TCF7L2: variants seen among roughly 807,000 people sequenced by gnomAD.
The protein encoded by TCF7L2 is transcription factor 7-like 2.
In TCF7L2, 23 loss-of-function variants were observed where a neutral mutation model predicts 77.9. The observed-to-expected ratio is 0.30, with a 90% CI of 0.21 to 0.42. TCF7L2 has a LOEUF of 0.42. Ranked by LOEUF, TCF7L2 falls within the 10% of genes least tolerant of loss-of-function variation. The pLI is 1.00. For synonymous variants in TCF7L2, 413 were observed against 340.2 expected (o/e 1.21, Z -2.36); for missense variants, 654 against 793.1 (o/e 0.82, Z 2.11).
intron 4 of TCF7L2, among the ~76,000 whole-genome samples, chr10:112,969,473 A>G (rs1490294892): frequency 6.6e-6 from 1 of 152,214 alleles, no homozygotes; most frequent in Non-Finnish European, 1.5e-5. Context: ...TTGGGGAAAC[A>G]TATATTTCCA....
intron 4 of TCF7L2, among the ~76,000 whole-genome samples, chr10:112,967,366 C>G (rs992468655): frequency 2.0e-5 from 3 of 152,202 alleles, no homozygotes; most frequent in Non-Finnish European, 4.4e-5. Flanking sequence ...ACATTAGACT[C>G]ATACGACTCA....
intron 4 of TCF7L2, among the ~76,000 whole-genome samples, chr10:113,027,393 C>G (rs1262434506): frequency 6.6e-6 from 1 of 152,170 alleles, no homozygotes; most frequent in Non-Finnish European, 1.5e-5. Flanking sequence ...GGGTGCCTGT[C>G]AACGATTCTC....
chr10:112,984,115 C>T (rs2041024937), intron 4 of TCF7L2, among the ~76,000 whole-genome samples: 1 of 152,186 alleles, frequency 6.6e-6, no homozygotes, highest in African/African-American at 2.4e-5. Context: ...TGCTATCTGT[C>T]TTTAAGCTTT....
At chr10:112,974,286 G>A (rs2038921207) in intron 4 of TCF7L2, among the ~76,000 whole-genome samples, 1 of 152,062 alleles carries the variant, frequency 6.6e-6, no homozygotes, top group Admixed American at 6.6e-5. Flanking sequence ...TTCGGAAGAG[G>A]GCTGGTGAGG....
chr10:113,165,839 C>T lies in TCF7L2; in HGVS notation c.1676C>T (p.Pro559Leu), dbSNP rs755806253. 1.8e-5 allele frequency: 29 copies of T among 1,607,208 alleles called. No individual in the cohort carries two copies. Among genetic ancestry groups the T allele is most frequent in the South Asian group, 2.2e-5 (2 of 90,440 alleles). Reference sequence around the variant, plus strand: ...TGTCCCAACGGGGCCCTGGACCTGCCCCCAGCCGCTTTGCAGCCTGCCGCC... The same window carrying T: ...TGTCCCAACGGGGCCCTGGACCTGCTCCCAGCCGCTTTGCAGCCTGCCGCC... Residue 559 changes from proline to leucine, a missense_variant, in exon 14 of 14, where the codon CCC becomes CTC. This residue lies in a region of TCF7L2 where 272 missense variants were observed against 215.4 expected (regional missense o/e 1.26). Coordinates refer to ENST00000627217, the MANE Select transcript of TCF7L2 (RefSeq NM_001146274.2).
At chr10:113,150,826 A>C (rs2070599916) in intron 8 of TCF7L2, among the ~76,000 whole-genome samples, 172 bp from the exon 9 acceptor site, 2 of 152,244 alleles carry the variant, frequency 1.3e-5, no homozygotes, top group African/African-American at 4.8e-5. Flanking sequence ...ACATTATGAG[A>C]ATCATTATGT....
intron 5 of TCF7L2, among the ~76,000 whole-genome samples, chr10:113,128,167 G>A (rs560058199): frequency 6.6e-6 from 1 of 152,222 alleles, no homozygotes; most frequent in African/African-American, 2.4e-5. Context: ...TTACCACCAT[G>A]TAAAGGGAAT....
chr10:113,107,752 TAAAAAA>T (rs398014821), intron 5 of TCF7L2, among the ~76,000 whole-genome samples: 22 of 55,262 alleles, frequency 4.0e-4, no homozygotes, highest in Admixed American at 9.7e-4. Flanking sequence ...AGACTCCGTC[TAAAAAA>T]AAAAAAAAAA....
At chr10:113,034,440 T>A (rs1487608572) in intron 4 of TCF7L2, among the ~76,000 whole-genome samples, 1 of 152,222 alleles carries the variant, frequency 6.6e-6, no homozygotes, top group Non-Finnish European at 1.5e-5. Context: ...GGAGGCTTAG[T>A]GACTTTGGAC....
rs189367923 is a variant in TCF7L2, at chr10:113,055,657, C to T, written c.552+15531C>T. ...TCACAGGAAAGAGCATAGTATGTTA[C>T]AGCCTCCACCTCCTGGTACCAAGAG... On this transcript the variant is annotated intron_variant, in intron 5 of 13. Coordinates refer to ENST00000627217, the MANE Select transcript of TCF7L2 (RefSeq NM_001146274.2). 1.3e-4 allele frequency among the ~76,000 whole-genome samples: 20 copies of T among 152,338 alleles called. No individual in the cohort carries two copies. The East Asian group carries it at 3.7e-3, about 28-fold the overall frequency.
chr10:113,009,265 G>A (rs991428954), intron 4 of TCF7L2, among the ~76,000 whole-genome samples: 2 of 152,138 alleles, frequency 1.3e-5, no homozygotes, highest in African/African-American at 4.8e-5. Context: ...CTGATTTTCA[G>A]GTCATCACCA....
chr10:112,998,930 C>T (rs1226991886), intron 4 of TCF7L2, among the ~76,000 whole-genome samples: 2 of 152,210 alleles, frequency 1.3e-5, no homozygotes, highest in African/African-American at 4.8e-5. Context: ...TTTCCATGTC[C>T]TCTTCATTAG....
At chr10:112,955,656 G>A (rs1013673636) in intron 3 of TCF7L2, among the ~76,000 whole-genome samples, 2 of 152,096 alleles carry the variant, frequency 1.3e-5, no homozygotes, top group African/African-American at 4.8e-5. Context: ...TTCTTGCTAG[G>A]AGTTCTTCAC....
At chr10:112,996,657 G>A (rs1290191693) in intron 4 of TCF7L2, among the ~76,000 whole-genome samples, 4 of 152,264 alleles carry the variant, frequency 2.6e-5, no homozygotes, top group East Asian at 3.9e-4. Context: ...TGGGATTTCC[G>A]GCCAGTGATC....
At position 113,166,217 on chromosome 10, in the gene TCF7L2, G is replaced by C. The variant is rs536179485; in HGVS notation, c.*245G>C. 5.5e-6 allele frequency: 2 copies of C among 366,118 alleles called. No individual in the cohort carries two copies. Among genetic ancestry groups the C allele is most frequent in the African/African-American group, 4.2e-5 (2 of 48,078 alleles). 22.7% of individuals were successfully genotyped at this position (366,118 alleles called of 1,614,324 possible). A position where few individuals can be genotyped will look rare whatever the true frequency, so the allele number is the denominator to read the frequency against. On this transcript the variant is annotated 3_prime_UTR_variant, in exon 14 of 14. Transcript: ENST00000627217. The stretch of plus-strand genomic sequence containing the variant: ...TCTACCAAAATTTTTATCAACAGCT[G>C]TTTAAAGTCTTTGTAGCGTTTAAAA...
intron 4 of TCF7L2, among the ~76,000 whole-genome samples, chr10:113,027,782 C>G (rs539849779): frequency 4.6e-5 from 7 of 152,118 alleles, no homozygotes; most frequent in Admixed American, 2.0e-4. Flanking sequence ...TTCTCTCCCC[C>G]CCTCACCCTA....
chr10:113,106,948 T>C (rs1042912066), intron 5 of TCF7L2, among the ~76,000 whole-genome samples: 1 of 152,242 alleles, frequency 6.6e-6, no homozygotes, highest in Admixed American at 6.5e-5. Context: ...GTTCTCGAAC[T>C]CAGGACCACC....
intron 4 of TCF7L2, among the ~76,000 whole-genome samples, chr10:113,000,822 G>A (rs1034286055): frequency 1.3e-5 from 2 of 152,090 alleles, no homozygotes; most frequent in Admixed American, 6.6e-5. Context: ...TATTCCAGTC[G>A]GACAGGCACC....
intron 4 of TCF7L2, among the ~76,000 whole-genome samples, chr10:113,027,728 A>G (rs1473648963): frequency 4.6e-5 from 7 of 151,936 alleles, no homozygotes; most frequent in Admixed American, 1.3e-4. Context: ...CTGCAACCCT[A>G]TTATCTTGCC....
Sources: allele counts gnomAD v4.1 joint callset (sites outside exome capture counted in the v4.1 genomes callset), GRCh38; gene constraint gnomAD v4.1.1; regional missense constraint gnomAD v4.1.1; transcripts MANE v1.5; gene names NCBI Gene and HGNC (gene_info 2026-07-23, HGNC 2026-07-21).